The following XNDC1N variants were observed in gnomAD, a reference collection of about 807,000 sequenced individuals.
XNDC1N encodes the protein XRCC1 N-terminal domain containing 1, N-terminal like, also known as protein XNDC1N.
the XNDC1N span, among the ~76,000 whole-genome samples, chr11:71,911,445 T>C: frequency 2.0e-5 from 3 of 152,184 alleles, no homozygotes; most frequent in Non-Finnish European, 4.4e-5. Context: ...GGGAACTATA[T>C]GTGGATGGGA....
At chr11:71,906,762 C>T in the XNDC1N span, among the ~76,000 whole-genome samples, 3 of 152,214 alleles carry the variant, frequency 2.0e-5, no homozygotes, top group South Asian at 2.1e-4. Flanking sequence ...CCCCGTGTGA[C>T]GTTAGGAGTC....
the XNDC1N span, among the ~76,000 whole-genome samples, chr11:71,877,591 T>A: frequency 6.6e-6 from 1 of 152,224 alleles, no homozygotes; most frequent in African/African-American, 2.4e-5. Flanking sequence ...TGAGCCAAGA[T>A]CGCACCACTG....
chr11:71,876,245 A>G, the XNDC1N span, among the ~76,000 whole-genome samples: 1 of 152,182 alleles, frequency 6.6e-6, no homozygotes. Flanking sequence ...TAATTATCTA[A>G]TGGTAAATTA....
chr11:71,919,927 CTCT>C, the XNDC1N span, among the ~76,000 whole-genome samples: 1 of 67,260 alleles, frequency 1.5e-5, no homozygotes, highest in African/African-American at 5.1e-5. Context: ...AAAAGCAGGC[CTCT>C]TTTTTTTTTT....
chr11:71,900,995 C>T, the XNDC1N span, among the ~76,000 whole-genome samples: 26 of 152,164 alleles, frequency 1.7e-4, no homozygotes, highest in African/African-American at 6.3e-4. Flanking sequence ...AGGCGGATGC[C>T]CCTGCTCACT....
the XNDC1N span, among the ~76,000 whole-genome samples, chr11:71,890,797 C>T: frequency 2.6e-5 from 4 of 151,962 alleles, no homozygotes; most frequent in Admixed American, 2.6e-4. Context: ...CATCCTCTTC[C>T]CCCCTGGATA....
chr11:71,901,775 T>C, the XNDC1N span, among the ~76,000 whole-genome samples: 1 of 152,062 alleles, frequency 6.6e-6, no homozygotes, highest in East Asian at 1.9e-4. Flanking sequence ...ACCACTCTCA[T>C]CTGACTTGAT....
chr11:71,916,380 T>C, the XNDC1N span: 1 of 614,826 alleles, frequency 1.6e-6, no homozygotes, highest in Non-Finnish European at 2.9e-6. Context: ...GAAGGAGGTC[T>C]TCAGTAAATG....
At chr11:71,898,345 A>T in the XNDC1N span, among the ~76,000 whole-genome samples, 1 of 152,124 alleles carries the variant, frequency 6.6e-6, no homozygotes, top group African/African-American at 2.4e-5. Context: ...AGTGGCTCGC[A>T]CATGTAACCC....
chr11:71,899,170 G>A, the XNDC1N span, among the ~76,000 whole-genome samples: 6 of 152,154 alleles, frequency 3.9e-5, no homozygotes, highest in Non-Finnish European at 8.8e-5. Context: ...CCACAGAATA[G>A]TAAATAGTCA....
the XNDC1N span, among the ~76,000 whole-genome samples, chr11:71,877,814 CT>C: frequency 2.0e-5 from 3 of 152,146 alleles, no homozygotes; most frequent in South Asian, 6.2e-4. Context: ...ATATTATTTG[CT>C]TTCCGAAGTG....
the XNDC1N span, among the ~76,000 whole-genome samples, chr11:71,910,294 C>G: frequency 5.9e-5 from 9 of 152,202 alleles, no homozygotes; most frequent in African/African-American, 2.2e-4. Context: ...TTGCTGCCAG[C>G]TGAGGACAGC....
At chr11:71,869,607 G>T in the XNDC1N span, among the ~76,000 whole-genome samples, 1 of 152,096 alleles carries the variant, frequency 6.6e-6, no homozygotes, top group African/African-American at 2.4e-5. Context: ...GATCAGTTTT[G>T]TTCTTTCTTA....
At chr11:71,887,612 G>A in the XNDC1N span, among the ~76,000 whole-genome samples, 73 of 152,276 alleles carry the variant, frequency 4.8e-4, no homozygotes, top group African/African-American at 1.6e-3. Context: ...ACAGGGGCCG[G>A]TCCCCAGAGA....
At chr11:71,872,520 G>A in the XNDC1N span, among the ~76,000 whole-genome samples, 27 of 151,624 alleles carry the variant, frequency 1.8e-4, no homozygotes, top group Admixed American at 1.5e-3. Flanking sequence ...TCAGGAGATC[G>A]AGACCATCCT....
the XNDC1N span, chr11:71,923,185 G>A: frequency 1.5e-6 from 1 of 673,330 alleles, no homozygotes; most frequent in African/African-American, 1.8e-5. Flanking sequence ...TCTTCTCTTA[G>A]ACTCTGAACT....
chr11:71,873,330 A>G, the XNDC1N span, among the ~76,000 whole-genome samples: 771 of 152,072 alleles, frequency 5.1e-3, 10 homozygotes, highest in African/African-American at 0.018. Flanking sequence ...TTTCAGATCT[A>G]ATTATTTTGT....
At chr11:71,893,580 CA>C in the XNDC1N span, 3 of 1,007,452 alleles carry the variant, frequency 3.0e-6, no homozygotes, top group African/African-American at 4.8e-5. Context: ...TGCATCTGGT[CA>C]TGGTGCTGAG....
chr11:71,895,572 C>A, the XNDC1N span, among the ~76,000 whole-genome samples: 1 of 151,710 alleles, frequency 6.6e-6, no homozygotes, highest in East Asian at 1.9e-4. Context: ...GGTGATCCGC[C>A]CGCTTCCGCC....
Sources: gnomAD v4.1 joint callset for allele counts (sites outside exome capture counted in the v4.1 genomes callset) on GRCh38, gnomAD v4.1.1 for gene constraint, MANE v1.5 for transcripts, NCBI Gene and HGNC (gene_info 2026-07-23, HGNC 2026-07-21) for gene names.